LMO7: variants seen among roughly 807,000 people sequenced by gnomAD.
The protein encoded by LMO7 is LIM domain 7.
A neutral mutation model predicts 206.5 loss-of-function variants in LMO7; 120 were observed. That is an observed-to-expected ratio of 0.58 (90% CI 0.50 to 0.68). LMO7 has a LOEUF of 0.68. LMO7 is among the 30% of genes least tolerant of loss of function. The probability of loss-of-function intolerance (pLI) is 0.00; values close to 1 mark genes in which losing one functional copy is unlikely to be tolerated. For missense variants in LMO7, 1,959 were observed against 1,957.9 expected, an observed-to-expected ratio of 1.00 and a Z score of -0.01; for synonymous variants, 706 against 681.5, an observed-to-expected ratio of 1.04 and a Z score of -0.56.
At chr13:75,713,876 A>G (rs1594459983) in intron 2 of LMO7, among the ~76,000 whole-genome samples, 1 of 152,202 alleles carries the variant, frequency 6.6e-6, no homozygotes, top group Non-Finnish European at 1.5e-5. Flanking sequence ...GATGCATAGT[A>G]CAGTTAGTCA....
intron 19 of LMO7, 86 bp from the exon 20 acceptor site, chr13:75,838,054 T>C: frequency 1.3e-6 from 1 of 749,000 alleles, no homozygotes; most frequent in Non-Finnish European, 2.3e-6. Flanking sequence ...TTGCTACAGA[T>C]TGGAAAGGTA....
intron 11 of LMO7, among the ~76,000 whole-genome samples, chr13:75,812,761 T>C (rs1164690343): frequency 6.6e-6 from 1 of 151,174 alleles, no homozygotes; most frequent in African/African-American, 2.4e-5. Context: ...AAAGGCAAGA[T>C]GCTAGATCTG....
chr13:75,733,796 G>C (rs2045528849), intron 3 of LMO7, among the ~76,000 whole-genome samples: 1 of 152,128 alleles, frequency 6.6e-6, no homozygotes, highest in African/African-American at 2.4e-5. Flanking sequence ...ATTTTTAATT[G>C]CTTGTTTGTT....
intron 1 of LMO7, among the ~76,000 whole-genome samples, chr13:75,671,605 G>A (rs555142011): frequency 1.6e-4 from 25 of 152,222 alleles, no homozygotes; most frequent in African/African-American, 6.0e-4. Context: ...GCTGCCATTT[G>A]TCACTCTGCT....
chr13:75,812,927 A>G (rs1205191737), intron 11 of LMO7, among the ~76,000 whole-genome samples: 1 of 152,240 alleles, frequency 6.6e-6, no homozygotes, highest in Non-Finnish European at 1.5e-5. Flanking sequence ...AATCCTTCAT[A>G]GTTTTCCCAA....
intron 15 of LMO7, among the ~76,000 whole-genome samples, chr13:75,829,088 G>A (rs79035992): frequency 0.037 from 5,617 of 152,252 alleles, 131 homozygotes; most frequent in Non-Finnish European, 0.052. Context: ...TTGGACTTAG[G>A]CATCGGAGAC....
At chr13:75,745,789 T>C (rs2046787352) in intron 3 of LMO7, among the ~76,000 whole-genome samples, 3 of 152,180 alleles carry the variant, frequency 2.0e-5, no homozygotes, top group Admixed American at 6.5e-5. Context: ...AACTGAAACA[T>C]TGGCTTTTCT....
chr13:75,652,082 T>A (rs2037624447), intron 1 of LMO7, among the ~76,000 whole-genome samples: 1 of 152,196 alleles, frequency 6.6e-6, no homozygotes. Context: ...AGTATTTTGC[T>A]TTTTTATGAT....
At chr13:75,788,452 C>CA (rs10638523) in intron 4 of LMO7, among the ~76,000 whole-genome samples, 15,929 of 59,676 alleles carry the variant, frequency 0.27, 1,749 homozygotes, top group Admixed American at 0.35. Flanking sequence ...AACTCTGCCT[C>CA]AAAAAAAAAA....
At chr13:75,643,267 C>T (rs767955825) in intron 1 of LMO7, among the ~76,000 whole-genome samples, 1 of 152,158 alleles carries the variant, frequency 6.6e-6, no homozygotes, top group Non-Finnish European at 1.5e-5. Flanking sequence ...TCTCAACATA[C>T]CAGCATTTGA....
intron 2 of LMO7, among the ~76,000 whole-genome samples, chr13:75,718,027 A>C (rs1317730987): frequency 1.3e-5 from 2 of 152,228 alleles, no homozygotes. Context: ...ATAGGCAAAC[A>C]ATGGTGTAAG....
At chr13:75,770,607 G>A (rs1281114318) in intron 4 of LMO7, among the ~76,000 whole-genome samples, 1 of 152,054 alleles carries the variant, frequency 6.6e-6, no homozygotes, top group East Asian at 1.9e-4. Context: ...GTGATTGAGT[G>A]TGCAACTCTA....
At chr13:75,837,235 G>C (rs1251697628) in intron 19 of LMO7, among the ~76,000 whole-genome samples, 1 of 152,058 alleles carries the variant, frequency 6.6e-6, no homozygotes, top group South Asian at 2.1e-4. Context: ...ATTTAATTTT[G>C]TATTTCATTT....
chr13:75,718,329 G>T (rs1313042435), intron 2 of LMO7, among the ~76,000 whole-genome samples: 5 of 152,154 alleles, frequency 3.3e-5, no homozygotes, highest in Admixed American at 1.3e-4. Context: ...TTAAAGTTGA[G>T]GGTTGAAATC....
At chr13:75,754,203 G>A (rs545976276) in intron 3 of LMO7, among the ~76,000 whole-genome samples, 3 of 152,160 alleles carry the variant, frequency 2.0e-5, no homozygotes, top group African/African-American at 7.2e-5. Flanking sequence ...CCTCCATTCA[G>A]CTTCTGGCAA....
chr13:75,777,643 TCTTG>T (rs2050689931), intron 4 of LMO7, among the ~76,000 whole-genome samples: 1 of 125,588 alleles, frequency 8.0e-6, no homozygotes, highest in Admixed American at 9.4e-5. Context: ...GATTTTCTTT[TCTTG>T]TTTTTTTTTT....
chr13:75,816,289 G>T (rs921066491), intron 11 of LMO7, among the ~76,000 whole-genome samples: 5 of 152,236 alleles, frequency 3.3e-5, no homozygotes, highest in Non-Finnish European at 7.3e-5. Context: ...AGTATAAAAG[G>T]TCAGTAGGAA....
At chr13:75,678,430 A>G (rs2040209449) in intron 1 of LMO7, among the ~76,000 whole-genome samples, 1 of 152,198 alleles carries the variant, frequency 6.6e-6, no homozygotes, top group Non-Finnish European at 1.5e-5. Context: ...GGCTGCACAA[A>G]TATCTTCTTT....
chr13:75,620,546 C>A (rs537276999), exon 1 of LMO7: 3 of 152,152 alleles, frequency 2.0e-5, no homozygotes, highest in Non-Finnish European at 4.4e-5. Context: ...TCTGATTCAG[C>A]TGGTAGGTGA....
Sources: gnomAD v4.1 joint callset for allele counts (sites outside exome capture counted in the v4.1 genomes callset) on GRCh38, gnomAD v4.1.1 for gene constraint, MANE v1.5 for transcripts, NCBI Gene and HGNC (gene_info 2026-07-23, HGNC 2026-07-21) for gene names.